The following TWSG1 variants were observed in gnomAD, a reference collection of about 807,000 sequenced individuals.
TWSG1 encodes the protein twisted gastrulation BMP signaling modulator 1, also known as twisted gastrulation protein homolog 1.
TWSG1 carries 15 observed loss-of-function variants against 23.0 expected under a neutral mutation model. The ratio of observed to expected loss-of-function variants is 0.65; its 90% CI spans 0.44 to 1.00. The LOEUF (loss-of-function observed/expected upper bound fraction) is 1.00. Ranked by LOEUF, TWSG1 falls within the 50% of genes least tolerant of loss-of-function variation. The pLI, the probability that TWSG1 is intolerant of heterozygous loss-of-function variation, is 0.00. For missense variants in TWSG1, 242 were observed against 278.7 expected, an observed-to-expected ratio of 0.87 and a Z score of 0.94; for synonymous variants, 86 against 92.8, an observed-to-expected ratio of 0.93 and a Z score of 0.42.
At chr18:9,361,127 G>C (rs549418246) in intron 3 of TWSG1, among the ~76,000 whole-genome samples, 5 of 152,238 alleles carry the variant, frequency 3.3e-5, no homozygotes, top group African/African-American at 1.2e-4. Flanking sequence ...CCCATTATCT[G>C]TCTTTCTGTA....
chr18:9,345,603 A>G (rs954086197), intron 2 of TWSG1, among the ~76,000 whole-genome samples: 2 of 152,054 alleles, frequency 1.3e-5, no homozygotes, highest in African/African-American at 2.4e-5. Context: ...GTTCTATTCT[A>G]TTGGTTTATA....
chr18:9,354,806 T>G (rs2040517440), intron 2 of TWSG1, among the ~76,000 whole-genome samples: 1 of 152,196 alleles, frequency 6.6e-6, no homozygotes, highest in East Asian at 1.9e-4. Context: ...TTTAGGGTTC[T>G]TTCTTTCTAC....
intron 3 of TWSG1, among the ~76,000 whole-genome samples, chr18:9,372,415 ATCTCTG>A (rs1478953677): frequency 6.7e-6 from 1 of 149,970 alleles, no homozygotes; most frequent in Non-Finnish European, 1.5e-5. Flanking sequence ...TGTGAATGTG[ATCTCTG>A]TCTCTTTCTC....
chr18:9,386,327 G>T (rs2040684179), intron 3 of TWSG1, among the ~76,000 whole-genome samples: 1 of 151,830 alleles, frequency 6.6e-6, no homozygotes, highest in Non-Finnish European at 1.5e-5. Flanking sequence ...GGGCGTGGTA[G>T]TGGGCATCTG....
chr18:9,336,417 G>C (rs1360720079), intron 1 of TWSG1, among the ~76,000 whole-genome samples: 1 of 151,366 alleles, frequency 6.6e-6, no homozygotes, highest in East Asian at 1.9e-4. Context: ...AAAGAATATC[G>C]TCACATTCTA....
chr18:9,390,020 T>G (rs1328951816), intron 3 of TWSG1, among the ~76,000 whole-genome samples: 1 of 152,236 alleles, frequency 6.6e-6, no homozygotes, highest in East Asian at 1.9e-4. Flanking sequence ...TACTTTATTG[T>G]TAAAAAATGC....
In TWSG1 at chr18:9,399,696, A is replaced by G. The variant is rs2040754294; in HGVS notation, c.*169A>G. On this transcript the variant is annotated 3_prime_UTR_variant, in exon 5 of 5. Transcript: ENST00000262120. ...CATAGCCAGTGATGTGTTTAATTAT[A>G]TAACTGTTCTTACTGATTTTATTGC... 3.5e-6 allele frequency: 2 copies of G among 573,078 alleles called. No homozygotes were observed. The highest frequency in any genetic ancestry group is 5.8e-6 in the Non-Finnish European group (2 of 344,664). 35.5% of individuals were successfully genotyped at this position (573,078 alleles called of 1,614,324 possible).
intron 3 of TWSG1, among the ~76,000 whole-genome samples, chr18:9,384,839 T>A (rs1002312294): frequency 6.6e-6 from 1 of 152,072 alleles, no homozygotes; most frequent in Non-Finnish European, 1.5e-5. Context: ...AGAGATGGGA[T>A]TTCACCCTGT....
chr18:9,395,481 C>T (rs1371286300), intron 3 of TWSG1, among the ~76,000 whole-genome samples: 1 of 152,136 alleles, frequency 6.6e-6, no homozygotes, highest in Non-Finnish European at 1.5e-5. Flanking sequence ...CTACATTTAT[C>T]AGTTGGTAAG....
At position 9,397,944 on chromosome 18, in the gene TWSG1, C is replaced by T. The variant is rs534637713; in HGVS notation, c.490+1398C>T. ...GCTTGAGCCTGGGAGGTGGAGGTTG[C>T]GGTGAGCCGAGATCGCGCCATTGCA... On this transcript the variant is annotated intron_variant, in intron 4 of 4. Transcript: ENST00000262120. Among the ~76,000 whole-genome samples, 13 of 134,408 alleles carry T rather than the reference C, an allele frequency of 9.7e-5. No individual in the cohort carries two copies. The East Asian group carries it at 2.0e-3, about 20-fold the overall frequency. The allele number at this position is 134,408 out of a possible 152,430, so 88.2% of individuals were successfully genotyped here. A position where few individuals can be genotyped will look rare whatever the true frequency, so the allele number is the denominator to read the frequency against.
intron 2 of TWSG1, 53 bp downstream of exon 2, chr18:9,337,405 A>G (rs1436236381): frequency 1.9e-6 from 3 of 1,584,814 alleles, no homozygotes; most frequent in East Asian, 2.2e-5. Flanking sequence ...GAGCAGAAAC[A>G]TTATGTTTAT....
intron 2 of TWSG1, among the ~76,000 whole-genome samples, chr18:9,350,272 C>CATT (rs35392295): frequency 0.99 from 150,627 of 152,310 alleles, 74,518 homozygotes; most frequent in Middle Eastern, 1. Context: ...AAGAATACAT[C>CATT]GTTTCCCTCC....
At chr18:9,348,242 G>C (rs183658248) in intron 2 of TWSG1, among the ~76,000 whole-genome samples, 79 of 152,336 alleles carry the variant, frequency 5.2e-4, no homozygotes, top group African/African-American at 1.8e-3. Flanking sequence ...TGAGTAGATG[G>C]TCAGTAGATG....
intron 3 of TWSG1, among the ~76,000 whole-genome samples, chr18:9,381,652 C>T (rs1479577779): frequency 6.6e-6 from 1 of 152,134 alleles, no homozygotes; most frequent in East Asian, 1.9e-4. Flanking sequence ...ACTACTTGAA[C>T]ATATCCTTGA....
chr18:9,365,429 C>T (rs2040573641), intron 3 of TWSG1, among the ~76,000 whole-genome samples: 2 of 152,176 alleles, frequency 1.3e-5, no homozygotes, highest in South Asian at 2.1e-4. Context: ...AATCCCAGCA[C>T]TCTGGGAGGC....
chr18:9,391,550 C>G (rs975113732), intron 3 of TWSG1, among the ~76,000 whole-genome samples: 3 of 152,164 alleles, frequency 2.0e-5, no homozygotes, highest in African/African-American at 7.2e-5. Flanking sequence ...CAACAGTTAT[C>G]AATTGAGCTT....
intron 3 of TWSG1, among the ~76,000 whole-genome samples, chr18:9,373,366 C>CAA (rs565651428): frequency 9.5e-5 from 14 of 148,002 alleles, no homozygotes; most frequent in South Asian, 2.1e-4. Flanking sequence ...CTGTCTCTAC[C>CAA]AAAAAAAAAA....
chr18:9,395,766 T>C (rs1427766266), intron 3 of TWSG1, among the ~76,000 whole-genome samples: 1 of 152,182 alleles, frequency 6.6e-6, no homozygotes, highest in Non-Finnish European at 1.5e-5. Context: ...GATGTTTTGC[T>C]ATGTTGCCTA....
intron 2 of TWSG1, among the ~76,000 whole-genome samples, chr18:9,351,121 C>T (rs2040500138): frequency 6.6e-6 from 1 of 151,850 alleles, no homozygotes; most frequent in African/African-American, 2.4e-5. Context: ...ATTTAAGAAC[C>T]TCAGTTTGTG....
Sources: gnomAD v4.1 joint callset for allele counts (sites outside exome capture counted in the v4.1 genomes callset) on GRCh38, gnomAD v4.1.1 for gene constraint, MANE v1.5 for transcripts, NCBI Gene and HGNC (gene_info 2026-07-23, HGNC 2026-07-21) for gene names.